The following UGT2A3 variants were observed in gnomAD, a reference collection of about 807,000 sequenced individuals.
The protein encoded by UGT2A3 is UDP glucuronosyltransferase family 2 member A3.
A neutral mutation model predicts 44.1 loss-of-function variants in UGT2A3; 55 were observed. The ratio of observed to expected loss-of-function variants is 1.25; its 90% CI spans 1.00 to 1.56. The LOEUF (loss-of-function observed/expected upper bound fraction) is 1.56, where lower values mean the gene tolerates loss of function less well. Ranked by LOEUF, UGT2A3 falls within the 40% of genes most tolerant of loss-of-function variation. The pLI, the probability that UGT2A3 is intolerant of heterozygous loss-of-function variation, is 0.00. For missense variants in UGT2A3, 733 were observed against 621.6 expected (o/e 1.18, Z -1.91); for synonymous variants, 243 against 215.1 (o/e 1.13, Z -1.13).
At chr4:68,935,185 C>T (rs1717888110) in intron 2 of UGT2A3, among the ~76,000 whole-genome samples, 1 of 148,750 alleles carries the variant, frequency 6.7e-6, no homozygotes, top group African/African-American at 2.5e-5. Flanking sequence ...ATCAAAAAGT[C>T]AAAAAGGCAA....
intron 2 of UGT2A3, among the ~76,000 whole-genome samples, chr4:68,940,997 C>T (rs1455778363): frequency 2.0e-5 from 3 of 151,684 alleles, no homozygotes; most frequent in Middle Eastern, 3.4e-3. Context: ...CAGAATGTGC[C>T]TTTGTCATGG....
At chr4:68,948,544 C>A (rs543373367) in intron 1 of UGT2A3, among the ~76,000 whole-genome samples, 1 of 144,220 alleles carries the variant, frequency 6.9e-6, no homozygotes, top group South Asian at 2.2e-4. Flanking sequence ...AACTTCTGGG[C>A]TCAAGCCGTT....
rs1209576692 is a variant in UGT2A3 at position 68,945,362 on chromosome 4, G to A, written c.808C>T (p.Pro270Ser). The change falls in exon 2 of 6, where the codon CCT becomes TCT. Residue 270 changes from proline (P) to serine (S), a missense_variant. Pro to Ser is a moderately conservative substitution (Grantham distance 74, BLOSUM62 -1). Coordinates refer to ENST00000251566, the MANE Select transcript of UGT2A3 (RefSeq NM_024743.4). Reference protein sequence around the residue: ...WDFEFPQPYQPNFEFVGGLHC... With the variant: ...WDFEFPQPYQSNFEFVGGLHC... ...AATCCTCCAACAAACTCAAAGTTAG[G>A]TTGGTATGGTTGAGGAAATTCAAAA... The A allele has an allele frequency of 6.2e-7, 1 of 1,611,472 alleles. No individual in the cohort carries two copies. The highest frequency in any genetic ancestry group is 8.5e-7 in the Non-Finnish European group (1 of 1,178,508).
At chr4:68,939,524 T>C (rs1308610016) in intron 2 of UGT2A3, among the ~76,000 whole-genome samples, 1 of 152,144 alleles carries the variant, frequency 6.6e-6, no homozygotes, top group Non-Finnish European at 1.5e-5. Context: ...GATCCCTTCT[T>C]ACATCTTATA....
At chr4:68,948,439 C>CTTTTTTTTTTTTTT (rs60082800) in intron 1 of UGT2A3, among the ~76,000 whole-genome samples, 89 of 110,106 alleles carry the variant, frequency 8.1e-4, no homozygotes, top group East Asian at 2.0e-3. Context: ...TCTTTTTTTT[C>CTTTTTTTTTTTTTT]TTTTTTTTTT....
intron 2 of UGT2A3, among the ~76,000 whole-genome samples, chr4:68,944,873 T>G (rs752637683): frequency 6.6e-5 from 10 of 151,748 alleles, no homozygotes; most frequent in Non-Finnish European, 1.2e-4. Context: ...TCTTCCTTCA[T>G]CACTTATTTT....
rs1718263756 is a variant in UGT2A3, at chr4:68,943,266, T to A, written c.864+2040A>T. ...GGGAGTGTGGGAATAAAGGGTAGAA[T>A]GGCATGGGAGATTACCTAGAGAATG... On this transcript the variant is annotated intron_variant, in intron 2 of 5. Transcript: ENST00000251566. 5.1e-6 allele frequency: 6 copies of A among 1,179,270 alleles called. No individual in the cohort carries two copies. In the South Asian group the frequency reaches 6.8e-5, roughly 13 times the overall value. 73.1% of individuals were successfully genotyped at this position (1,179,270 alleles called of 1,614,324 possible).
At chr4:68,937,111 T>C (rs527319728) in intron 2 of UGT2A3, among the ~76,000 whole-genome samples, 1 of 151,632 alleles carries the variant, frequency 6.6e-6, no homozygotes, top group East Asian at 2.0e-4. Flanking sequence ...CATACAATAA[T>C]AATGGGAGAC....
chr4:68,951,499 C>G lies in UGT2A3; in HGVS notation c.262G>C (p.Glu88Gln). The change falls in exon 1 of 6, where the codon GAA (glutamate) becomes CAA (glutamine). Residue 88 changes from glutamate to glutamine, a missense_variant. Glu to Gln is a conservative substitution (Grantham distance 29). Transcript: ENST00000251566. Reference protein sequence around the residue: ...HMPQDRTEENEIFVDLALNVL... With the variant: ...HMPQDRTEENQIFVDLALNVL... The stretch of plus-strand genomic sequence containing the variant: ...TTCAGAGCTAGGTCAACAAATATTT[C>G]ATTTTCTTCTGTTCTGTCCTGTGGC... 2 of 1,612,744 alleles carry G rather than the reference C, an allele frequency of 1.2e-6. No homozygotes were observed. Among genetic ancestry groups the G allele is most frequent in the Non-Finnish European group, 1.7e-6 (2 of 1,179,306 alleles).
chr4:68,950,251 AGGACATTTGAACTG>A (rs1718531736), intron 1 of UGT2A3, among the ~76,000 whole-genome samples: 1 of 151,870 alleles, frequency 6.6e-6, no homozygotes, highest in African/African-American at 2.4e-5. Flanking sequence ...TCTAAGGCTA[AGGACATTTGAACTG>A]GGATCCTCTG....
At chr4:68,948,800 C>CT (rs1173218961) in intron 1 of UGT2A3, among the ~76,000 whole-genome samples, 3 of 151,698 alleles carry the variant, frequency 2.0e-5, no homozygotes, top group Non-Finnish European at 2.9e-5. Context: ...CTGTCCCAGG[C>CT]TTTTTTTGTT....
rs1445976186 is a variant in UGT2A3, at chr4:68,951,272, T to C, written c.489A>G (p.Ala163=). 3 of 1,611,740 alleles carry C rather than the reference T, an allele frequency of 1.9e-6. No individual in the cohort carries two copies. The highest frequency in any genetic ancestry group is 2.2e-5 in the East Asian group (1 of 44,666). The change falls in exon 1 of 6, where the codon GCA becomes GCG. Residue 163 remains alanine, a synonymous_variant. Transcript: ENST00000251566. Reference sequence around the variant, plus strand: ...TTCTAAGTGTGAGCACAAAAGGGACTGCAAGCAACTCAGCCATCAGGTCTC... The same window carrying C: ...TTCTAAGTGTGAGCACAAAAGGGACCGCAAGCAACTCAGCCATCAGGTCTC... ...PCGDLMAELL[A]VPFVLTLRIS...
At chr4:68,944,463 A>C (rs1284773193) in intron 2 of UGT2A3, among the ~76,000 whole-genome samples, 1 of 151,848 alleles carries the variant, frequency 6.6e-6, no homozygotes, top group South Asian at 2.1e-4. Context: ...TTAAAAAACT[A>C]TAACAACTAT....
At chr4:68,934,840 G>A (rs986956935) in intron 2 of UGT2A3, among the ~76,000 whole-genome samples, 1 of 151,698 alleles carries the variant, frequency 6.6e-6, no homozygotes, top group Non-Finnish European at 1.5e-5. Context: ...CCGCACTCCA[G>A]TATGCGTAAC....
At chr4:68,939,377 G>T (rs886177120) in intron 2 of UGT2A3, among the ~76,000 whole-genome samples, 1 of 151,938 alleles carries the variant, frequency 6.6e-6, no homozygotes, top group Non-Finnish European at 1.5e-5. Context: ...CAGAACAGAG[G>T]CCTCAGAAAT....
intron 2 of UGT2A3, among the ~76,000 whole-genome samples, chr4:68,942,758 A>G (rs1411647729): frequency 1.3e-5 from 2 of 151,442 alleles, no homozygotes; most frequent in East Asian, 2.0e-4. Flanking sequence ...GGCTGAAGAG[A>G]TAGTAGGGAG....
In UGT2A3 at chr4:68,951,480, G is replaced by C. The variant is rs930453740; in HGVS notation, c.281C>G (p.Ala94Gly). 6.2e-7 allele frequency: 1 copy of C among 1,612,510 alleles called. No individual in the cohort carries two copies. The highest frequency in any genetic ancestry group is 8.5e-7 in the Non-Finnish European group (1 of 1,179,266). Residue 94 changes from alanine to glycine, a missense_variant, in exon 1 of 6, where the codon GCT (alanine) becomes GGT (glycine). Ala to Gly is a moderately conservative substitution (Grantham distance 60). Transcript: ENST00000251566. Reference protein sequence around the residue: ...TEENEIFVDLALNVLPGLSTW... With the variant: ...TEENEIFVDLGLNVLPGLSTW... ...TGATAAGCCTGGCAAGACATTCAGAGCTAGGTCAACAAATATTTCATTTTC... is the reference window on the plus strand; with the variant it reads ...TGATAAGCCTGGCAAGACATTCAGACCTAGGTCAACAAATATTTCATTTTC...
chr4:68,944,012 C>T (rs1428898825), intron 2 of UGT2A3, among the ~76,000 whole-genome samples: 1 of 151,850 alleles, frequency 6.6e-6, no homozygotes, highest in Non-Finnish European at 1.5e-5. Context: ...GTTGAATGTG[C>T]TTTTCCCAGA....
chr4:68,951,106 G>A lies in UGT2A3; in HGVS notation c.655C>T (p.His219Tyr), dbSNP rs1245318963. Residue 219 changes from histidine (H) to tyrosine (Y), a missense_variant, in exon 1 of 6, where the codon CAC becomes TAC. Physicochemically the swap from His to Tyr is moderately conservative, Grantham distance 83 (BLOSUM62 2). Transcript: ENST00000251566. ...VKNSMLSVLFHFWIQDYDYHF... is the reference protein window; with the variant it reads ...VKNSMLSVLFYFWIQDYDYHF... ...TAGTCGTAATCCTGAATCCAGAAGT[G>A]GAACAAAACTGAAAGCATTGAATTT... 6.2e-7 allele frequency: 1 copy of A among 1,610,632 alleles called. No homozygotes were observed. Among genetic ancestry groups the A allele is most frequent in the South Asian group, 1.1e-5 (1 of 90,674 alleles).
Sources: allele counts gnomAD v4.1 joint callset (sites outside exome capture counted in the v4.1 genomes callset), GRCh38; gene constraint gnomAD v4.1.1; transcripts MANE v1.5; gene names NCBI Gene and HGNC (gene_info 2026-07-23, HGNC 2026-07-21).